PHGDH: variants seen among roughly 807,000 people sequenced by gnomAD.
PHGDH encodes the protein phosphoglycerate dehydrogenase.
PHGDH carries 50 observed loss-of-function variants against 52.6 expected under a neutral mutation model. The observed-to-expected ratio is 0.95, with a 90% CI of 0.76 to 1.20. PHGDH has a LOEUF of 1.20. Among genes scored for constraint, PHGDH ranks in the 50% most tolerant of loss-of-function variants. The probability of loss-of-function intolerance (pLI) is 0.00; values close to 1 mark genes in which losing one functional copy is unlikely to be tolerated. For missense variants in PHGDH, 630 were observed against 684.6 expected (o/e 0.92, Z 0.89); for synonymous variants, 271 against 280.5 (o/e 0.97, Z 0.34).
chr1:119,712,421 G>A, intron 1 of PHGDH: 1 of 457,722 alleles, frequency 2.2e-6, no homozygotes, highest in Admixed American at 3.3e-5. Flanking sequence ...TGCAAAGTGC[G>A]GGCTGCTCCA....
chr1:119,717,045 T>C (rs1163472735), intron 1 of PHGDH, among the ~76,000 whole-genome samples: 1 of 151,968 alleles, frequency 6.6e-6, no homozygotes, highest in South Asian at 2.1e-4. Flanking sequence ...TGCCTATTTA[T>C]ATATTTATCT....
intron 2 of PHGDH, 117 bp from the exon 3 acceptor site, chr1:119,723,259 G>A (rs1408884015): frequency 1.9e-5 from 16 of 839,954 alleles, no homozygotes; most frequent in Non-Finnish European, 3.1e-5. Context: ...CAGTGGCGTG[G>A]TCAGTTCATG....
At chr1:119,740,646 C>G (rs1398004261) in intron 9 of PHGDH, 128 bp downstream of exon 9, 3 of 732,808 alleles carry the variant, frequency 4.1e-6, no homozygotes, top group Non-Finnish European at 6.8e-6. Context: ...GGACCCTGCC[C>G]TGAGTATAGC....
chr1:119,736,672 G>C (rs1248592569), intron 7 of PHGDH, among the ~76,000 whole-genome samples: 1 of 152,246 alleles, frequency 6.6e-6, no homozygotes, highest in Non-Finnish European at 1.5e-5. Flanking sequence ...CACATCGACA[G>C]CAAGTGCTGC....
chr1:119,721,050 C>T, intron 1 of PHGDH, 120 bp from the exon 2 acceptor site: 1 of 912,054 alleles, frequency 1.1e-6, no homozygotes, highest in Non-Finnish European at 1.9e-6. Context: ...TGGCAGTCAT[C>T]AGTGACTTCC....
Position 119,740,819 on chromosome 1 carries a change from C to G in PHGDH, c.1078+301C>G, listed in dbSNP as rs587697834. Among the ~76,000 whole-genome samples the G allele has an allele frequency of 8.5e-5, 13 of 152,238 alleles. No individual in the cohort carries two copies. The South Asian group carries it at 2.1e-3, about 24-fold the overall frequency. ...AGAGAGAGAGTTTCATGCGAGAGGT[C>G]GTAGGATGGCTGGAGGGAGGCCCTA... On this transcript the variant is annotated intron_variant, in intron 9 of 11. Transcript: ENST00000641023.
chr1:119,737,245 G>A lies in PHGDH; in HGVS notation c.924G>A (p.Lys308=). 1.2e-6 allele frequency: 2 copies of A among 1,614,048 alleles called. No homozygotes were observed. Among genetic ancestry groups the A allele is most frequent in the South Asian group, 1.1e-5 (1 of 91,076 alleles). ...CTGTTCAGTTCGTGGACATGGTGAA[G>A]GGGAAATCTCTCACGGGGGTTGTAA... ...EIAVQFVDMV[K]GKSLTGVVNA... Residue 308 remains lysine (K), a synonymous_variant, in exon 8 of 12, where the codon AAG becomes AAA. Coordinates refer to ENST00000641023, the MANE Select transcript of PHGDH (RefSeq NM_006623.4).
At chr1:119,738,613 C>G (rs1383376763) in intron 8 of PHGDH, among the ~76,000 whole-genome samples, 2 of 152,256 alleles carry the variant, frequency 1.3e-5, no homozygotes, top group African/African-American at 4.8e-5. Flanking sequence ...CCATTGCCAG[C>G]CAATCTGGGC....
chr1:119,737,038 T>A (rs587676197), intron 7 of PHGDH, 76 bp from the exon 8 acceptor site: 21 of 1,478,076 alleles, frequency 1.4e-5, no homozygotes, highest in Non-Finnish European at 1.8e-5. Context: ...CCTCCAACTT[T>A]CCTGTTGCCT....
At chr1:119,724,373 C>G (rs1409876908) in intron 3 of PHGDH, 1 of 201,526 alleles carries the variant, frequency 5.0e-6, no homozygotes, top group Non-Finnish European at 1.0e-5. Context: ...GACCTGCTTT[C>G]CCTCCTGCTG....
Position 119,743,338 on chromosome 1 carries a change from C to T in PHGDH, c.1447+294C>T, listed in dbSNP as rs375947834. ...AGCTTGCCATGTTAGGTACACTGGA[C>T]CAGCTTGTGGAGCCATAGCCCAGGA... On this transcript the variant is annotated intron_variant, in intron 11 of 11. Coordinates refer to ENST00000641023, the MANE Select transcript of PHGDH (RefSeq NM_006623.4). 1.4e-4 allele frequency among the ~76,000 whole-genome samples: 22 copies of T among 152,330 alleles called. No homozygotes were observed. In the East Asian group the frequency reaches 2.9e-3, roughly 20 times the overall value.
intron 5 of PHGDH, among the ~76,000 whole-genome samples, chr1:119,732,336 T>G (rs1651731337): frequency 1.3e-5 from 2 of 152,132 alleles, no homozygotes; most frequent in South Asian, 4.1e-4. Context: ...ACATCAGGAG[T>G]CTGCCCTGGG....
chr1:119,724,960 A>G lies in PHGDH; in HGVS notation c.356+1519A>G, dbSNP rs1421028844. 3 of 423,156 alleles carry G rather than the reference A, an allele frequency of 7.1e-6. 1 individual carries two copies. The Admixed American group carries it at 7.5e-5, about 11-fold the overall frequency. 26.2% of individuals were successfully genotyped at this position (423,156 alleles called of 1,614,324 possible). A position where few individuals can be genotyped will look rare whatever the true frequency, so the allele number is the denominator to read the frequency against. On this transcript the variant is annotated intron_variant, in intron 3 of 11. Transcript: ENST00000641023. ...GACTGTTCCTAGCAGGGAGGACGGTAGGAGAGTGTGGGTGCCTATATGTAG... is the reference window on the plus strand; with the variant it reads ...GACTGTTCCTAGCAGGGAGGACGGTGGGAGAGTGTGGGTGCCTATATGTAG...
intron 10 of PHGDH, 128 bp downstream of exon 10, chr1:119,742,025 G>A: frequency 2.5e-6 from 2 of 789,130 alleles, no homozygotes; most frequent in Non-Finnish European, 4.3e-6. Context: ...CTACCTGTGA[G>A]GGGTAGCTGC....
At chr1:119,726,545 G>A (rs932567595) in intron 3 of PHGDH, 2 of 488,604 alleles carry the variant, frequency 4.1e-6, no homozygotes, top group African/African-American at 1.9e-5. Context: ...CTGGAGGATT[G>A]GCGATCGCTT....
chr1:119,735,693 T>C (rs967742244), intron 7 of PHGDH, among the ~76,000 whole-genome samples: 3 of 152,202 alleles, frequency 2.0e-5, no homozygotes, highest in Admixed American at 2.0e-4. Context: ...AGTTCCTGGT[T>C]CCGGGCTTCT....
At position 119,742,976 on chromosome 1, in the gene PHGDH, G is replaced by C. The variant is rs587696887; in HGVS notation, c.1379G>C (p.Arg460Pro). 4 of 1,614,032 alleles carry C rather than the reference G, an allele frequency of 2.5e-6. No homozygotes were observed. Among genetic ancestry groups the C allele is most frequent in the Admixed American group, 3.3e-5 (2 of 60,014 alleles). Residue 460 changes from arginine to proline, a missense_variant, in exon 11 of 12, where the codon CGC becomes CCC. Transcript: ENST00000641023. ...GTCTTCAGGCCAGAAGTGCCTCTCC[G>C]CAGGGACCTGCCCCTGCTCCTATTC... is the stretch of plus-strand genomic sequence containing the variant. ...GAVFRPEVPL[R>P]RDLPLLLFRT...
intron 7 of PHGDH, among the ~76,000 whole-genome samples, chr1:119,736,807 GATC>G (rs1258104169): frequency 6.6e-6 from 1 of 152,204 alleles, no homozygotes; most frequent in Non-Finnish European, 1.5e-5. Context: ...AGGGAGATAG[GATC>G]AACCCATTTC....
chr1:119,723,472 C>T, intron 3 of PHGDH, 31 bp downstream of exon 3: 1 of 1,531,722 alleles, frequency 6.5e-7, no homozygotes, highest in Non-Finnish European at 9.1e-7. Flanking sequence ...CAAAGCTAGT[C>T]TCTCCGATAT....
Sources: allele counts gnomAD v4.1 joint callset (sites outside exome capture counted in the v4.1 genomes callset), GRCh38; gene constraint gnomAD v4.1.1; transcripts MANE v1.5; gene names NCBI Gene and HGNC (gene_info 2026-07-23, HGNC 2026-07-21).